Variants in CSMD1 observed in about 807,000 individuals in gnomAD.
CSMD1 encodes the protein CUB and Sushi multiple domains 1.
A neutral mutation model predicts 417.5 loss-of-function variants in CSMD1; 213 were observed. The observed-to-expected ratio is 0.51, with a 90% CI of 0.46 to 0.57. The LOEUF (loss-of-function observed/expected upper bound fraction) is 0.57, where lower values mean the gene tolerates loss of function less well. Ranked by LOEUF, CSMD1 falls within the 20% of genes least tolerant of loss-of-function variation. The pLI, the probability that CSMD1 is intolerant of heterozygous loss-of-function variation, is 0.00. For missense variants in CSMD1, 6,923 were observed against 4,529.7 expected (o/e 1.53, Z -15.17); for synonymous variants, 2,862 against 1,736.8 (o/e 1.65, Z -16.11).
At position 4,503,144 on chromosome 8, in the gene CSMD1, G is replaced by C. The variant is rs143366828; in HGVS notation, c.303-83079C>G. Among the ~76,000 whole-genome samples, 3 of 152,046 alleles carry C rather than the reference G, an allele frequency of 2.0e-5. No homozygotes were observed. In the South Asian group the frequency reaches 6.2e-4, roughly 32 times the overall value. On this transcript the variant is annotated intron_variant, in intron 2 of 69. Coordinates refer to ENST00000635120, the MANE Select transcript of CSMD1 (RefSeq NM_033225.6). Reference sequence around the variant, plus strand: ...TGTGTAATGGATATGCTTTTTTTACGTGAAGTGTGCTTTTAATATATAGTC... The same window carrying C: ...TGTGTAATGGATATGCTTTTTTTACCTGAAGTGTGCTTTTAATATATAGTC...
At chr8:3,288,081 T>C (rs1366339754) in intron 25 of CSMD1, among the ~76,000 whole-genome samples, 5 of 147,388 alleles carry the variant, frequency 3.4e-5, no homozygotes, top group Non-Finnish European at 7.4e-5. Flanking sequence ...TTGTCTTTGG[T>C]TCTGTTTATA....
At chr8:4,319,636 A>T (rs1383516532) in intron 3 of CSMD1, among the ~76,000 whole-genome samples, 1 of 152,122 alleles carries the variant, frequency 6.6e-6, no homozygotes, top group Non-Finnish European at 1.5e-5. Context: ...TGAATTACTT[A>T]CCCAGTTCAC....
intron 5 of CSMD1, among the ~76,000 whole-genome samples, chr8:3,835,413 T>G (rs915153789): frequency 3.9e-5 from 6 of 152,018 alleles, no homozygotes; most frequent in African/African-American, 1.5e-4. Flanking sequence ...TTCATGTCCT[T>G]TGTAGGGACA....
intron 3 of CSMD1, among the ~76,000 whole-genome samples, chr8:4,117,949 AG>A (rs753969712): frequency 0.018 from 1,015 of 57,738 alleles, 15 homozygotes; most frequent in Middle Eastern, 0.062. Flanking sequence ...GCAAGTCAAT[AG>A]GAAAAAAAAA....
intron 3 of CSMD1, among the ~76,000 whole-genome samples, chr8:4,280,335 C>CT (rs1796711419): frequency 6.6e-6 from 1 of 152,080 alleles, no homozygotes; most frequent in African/African-American, 2.4e-5. Context: ...TTACCACGTT[C>CT]TGAAAAAATA....
intron 2 of CSMD1, among the ~76,000 whole-genome samples, chr8:4,546,086 A>C (rs2130539716): frequency 6.6e-6 from 1 of 152,276 alleles, no homozygotes; most frequent in African/African-American, 2.4e-5. Flanking sequence ...ACCCTCACCC[A>C]GGTATAAATG....
intron 4 of CSMD1, 73 bp from the exon 5 acceptor site, chr8:3,998,183 G>A (rs1815371716): frequency 1.5e-6 from 2 of 1,329,754 alleles, no homozygotes; most frequent in African/African-American, 1.5e-5. Context: ...TCCACCAAGT[G>A]TCACTCTTGA....
chr8:4,682,183 T>C lies in CSMD1; in HGVS notation c.86-44625A>G, dbSNP rs1321570094. Among the ~76,000 whole-genome samples the C allele has an allele frequency of 5.9e-5, 9 of 152,192 alleles. No homozygotes were observed. The South Asian group carries it at 1.9e-3, about 32-fold the overall frequency. On this transcript the variant is annotated intron_variant, in intron 1 of 69. Transcript: ENST00000635120. Reference sequence around the variant, plus strand: ...CTGGGACTACAGGCACACACCACCATGCCTGGCTAAATTTTTGAATTGTTT... The same window carrying C: ...CTGGGACTACAGGCACACACCACCACGCCTGGCTAAATTTTTGAATTGTTT...
intron 3 of CSMD1, among the ~76,000 whole-genome samples, chr8:4,063,263 T>A (rs1799074392): frequency 7.0e-6 from 1 of 141,906 alleles, no homozygotes; most frequent in African/African-American, 2.6e-5. Context: ...ATATGTACAG[T>A]TATTACATAG....
At chr8:3,889,490 TATAA>T (rs72442436) in intron 5 of CSMD1, among the ~76,000 whole-genome samples, 13,659 of 87,766 alleles carry the variant, frequency 0.16, 2,341 homozygotes, top group Non-Finnish European at 0.2. Context: ...TATATATATA[TATAA>T]AATATGCTCA....
At chr8:4,395,113 C>G (rs527351069) in intron 3 of CSMD1, among the ~76,000 whole-genome samples, 6 of 152,248 alleles carry the variant, frequency 3.9e-5, no homozygotes, top group Admixed American at 2.6e-4. Context: ...GCTGGGAGAC[C>G]CAGAGAGTGG....
At chr8:4,401,263 T>A (rs1804627070) in intron 3 of CSMD1, among the ~76,000 whole-genome samples, 2 of 152,202 alleles carry the variant, frequency 1.3e-5, no homozygotes, top group Admixed American at 6.5e-5. Context: ...ATTAGATATA[T>A]GTCTTGAAAC....
chr8:4,526,107 G>A (rs1357093946), intron 2 of CSMD1, among the ~76,000 whole-genome samples: 2 of 152,116 alleles, frequency 1.3e-5, no homozygotes, highest in Non-Finnish European at 1.5e-5. Context: ...TTTGGAAAAT[G>A]AGACAAACTA....
chr8:3,208,763 G>C (rs1439094277), intron 30 of CSMD1, among the ~76,000 whole-genome samples: 1 of 152,088 alleles, frequency 6.6e-6, no homozygotes, highest in Non-Finnish European at 1.5e-5. Context: ...TAAGCAGGCA[G>C]AAAAATGTGA....
chr8:4,608,810 G>T (rs963296913), intron 2 of CSMD1, among the ~76,000 whole-genome samples: 1 of 152,188 alleles, frequency 6.6e-6, no homozygotes. Flanking sequence ...CACATGATAA[G>T]CATGCTAAGG....
intron 3 of CSMD1, among the ~76,000 whole-genome samples, chr8:4,373,787 G>C (rs1218074400): frequency 6.6e-6 from 1 of 152,124 alleles, no homozygotes; most frequent in Admixed American, 6.5e-5. Flanking sequence ...TTTTCTCTTT[G>C]ATAAATTTGT....
At chr8:4,319,955 T>G (rs1203585515) in intron 3 of CSMD1, among the ~76,000 whole-genome samples, 1 of 152,140 alleles carries the variant, frequency 6.6e-6, no homozygotes, top group Non-Finnish European at 1.5e-5. Context: ...GGCCAATGTT[T>G]GGATTTTTAC....
intron 3 of CSMD1, among the ~76,000 whole-genome samples, chr8:4,253,090 G>T (rs1046705097): frequency 5.9e-5 from 9 of 152,144 alleles, no homozygotes; most frequent in Admixed American, 4.6e-4. Flanking sequence ...AAAAGATTCT[G>T]GCAAAATCTA....
chr8:3,298,863 C>G (rs1804168337), intron 25 of CSMD1, among the ~76,000 whole-genome samples: 2 of 152,150 alleles, frequency 1.3e-5, no homozygotes, highest in Non-Finnish European at 2.9e-5. Context: ...ATCCTGAGTC[C>G]AGATAATTTT....
Sources: gnomAD v4.1 joint callset for allele counts (sites outside exome capture counted in the v4.1 genomes callset) on GRCh38, gnomAD v4.1.1 for gene constraint, MANE v1.5 for transcripts, NCBI Gene and HGNC (gene_info 2026-07-23, HGNC 2026-07-21) for gene names.